The following CEP112 variants were observed in gnomAD, a reference collection of about 807,000 sequenced individuals.
The protein encoded by CEP112 is centrosomal protein of 112 kDa.
A neutral mutation model predicts 153.0 loss-of-function variants in CEP112; 127 were observed. The ratio of observed to expected loss-of-function variants is 0.83; its 90% CI spans 0.72 to 0.96. CEP112 has a LOEUF of 0.96. CEP112 is among the 40% of genes least tolerant of loss of function. CEP112 has a pLI of 0.00. For missense variants in CEP112, 1,089 were observed against 1,101.2 expected (o/e 0.99, Z 0.16); for synonymous variants, 358 against 374.4 (o/e 0.96, Z 0.51).
In CEP112 at chr17:66,124,617, A is replaced by G. The variant is rs373429049; in HGVS notation, c.642+5129T>C. 5.3e-5 allele frequency among the ~76,000 whole-genome samples: 8 copies of G among 152,236 alleles called. No homozygotes were observed. In the South Asian group the frequency reaches 8.3e-4, roughly 16 times the overall value. ...CTTCCATTCTCCCACTTCTCTGGCCAAAAAGATGGGCTGCTCTGTAAGTTT... is the reference window on the plus strand; with the variant it reads ...CTTCCATTCTCCCACTTCTCTGGCCGAAAAGATGGGCTGCTCTGTAAGTTT... On this transcript the variant is annotated intron_variant, in intron 6 of 26. Coordinates refer to ENST00000535342, the MANE Select transcript of CEP112 (RefSeq NM_001199165.4).
At chr17:65,970,304 G>T (rs2062637287) in intron 17 of CEP112, among the ~76,000 whole-genome samples, 1 of 115,094 alleles carries the variant, frequency 8.7e-6, no homozygotes. Flanking sequence ...TACTGCATGT[G>T]TATCTCATAT....
In CEP112 at chr17:65,640,137, C is replaced by CATATATATAT. The variant is rs762352624; in HGVS notation, c.2799+817_2799+826dup. Reference sequence around the variant, plus strand: ...ACAGGCGTGAGCCACTGCACCCGACCATATATATATATATATATTTTTTTT... The same window carrying CATATATATAT: ...ACAGGCGTGAGCCACTGCACCCGACCATATATATATATATATATATATATATATTTTTTTT... On this transcript the variant is annotated intron_variant, in intron 25 of 26. Coordinates refer to ENST00000535342, the MANE Select transcript of CEP112 (RefSeq NM_001199165.4). 8.6e-4 allele frequency among the ~76,000 whole-genome samples: 96 copies of CATATATATAT among 112,118 alleles called. 2 individuals carry two copies. Among genetic ancestry groups the CATATATATAT allele is most frequent in the Middle Eastern group, 4.6e-3 (1 of 218 alleles). 73.6% of individuals were successfully genotyped at this position (112,118 alleles called of 152,430 possible).
chr17:65,831,240 T>C (rs1284871774), intron 21 of CEP112, among the ~76,000 whole-genome samples: 1 of 152,132 alleles, frequency 6.6e-6, no homozygotes, highest in Non-Finnish European at 1.5e-5. Context: ...TATCAGAGAA[T>C]TCAGAATAAT....
intron 4 of CEP112, among the ~76,000 whole-genome samples, chr17:66,158,814 A>T (rs2071564793): frequency 6.6e-6 from 1 of 152,294 alleles, no homozygotes; most frequent in East Asian, 1.9e-4. Context: ...GAGCAAACAA[A>T]ATCAAAAGCT....
At chr17:65,749,236 G>GATTACC (rs1388128931) in intron 22 of CEP112, among the ~76,000 whole-genome samples, 1 of 152,170 alleles carries the variant, frequency 6.6e-6, no homozygotes, top group African/African-American at 2.4e-5. Context: ...GCCAGGTGCG[G>GATTACC]TGGCTCATGC....
In CEP112 at chr17:66,166,516, A is replaced by C. The variant is rs563232494; in HGVS notation, c.470+8528T>G. 2.1e-4 allele frequency among the ~76,000 whole-genome samples: 32 copies of C among 152,310 alleles called. No individual in the cohort carries two copies. The South Asian group carries it at 6.6e-3, about 32-fold the overall frequency. Reference sequence around the variant, plus strand: ...AGAAGCTTCAAAACATTTTTCACAGAATTGTAAAGCAAGAATACAACCTAT... The same window carrying C: ...AGAAGCTTCAAAACATTTTTCACAGCATTGTAAAGCAAGAATACAACCTAT... On this transcript the variant is annotated intron_variant, in intron 4 of 26. Transcript: ENST00000535342.
At chr17:65,866,795 C>T (rs1370729650) in intron 20 of CEP112, among the ~76,000 whole-genome samples, 1 of 152,146 alleles carries the variant, frequency 6.6e-6, no homozygotes, top group Non-Finnish European at 1.5e-5. Flanking sequence ...CCTGTCTAGA[C>T]ACCCTGGCTA....
At chr17:65,981,107 C>T (rs951560955) in intron 17 of CEP112, among the ~76,000 whole-genome samples, 10 of 152,100 alleles carry the variant, frequency 6.6e-5, no homozygotes, top group South Asian at 2.1e-4. Flanking sequence ...TGAGCCACCA[C>T]GCCCGGCCAT....
chr17:65,691,519 A>G lies in CEP112; in HGVS notation c.2608-2301T>C, dbSNP rs149732159. Among the ~76,000 whole-genome samples the G allele has an allele frequency of 4.2e-3, 641 of 152,318 alleles. 7 individuals are homozygous for G. Among genetic ancestry groups the G allele is most frequent in the Non-Finnish European group, 4.1e-3 (282 of 68,030 alleles). On this transcript the variant is annotated intron_variant, in intron 23 of 26. Transcript: ENST00000535342. ...ATTTAAAAAGTGAAATGGTCTGTGA[A>G]TGAGCTTGCATGCTTTAGGGTGTCT...
rs552346365 is a variant in CEP112, at chr17:66,003,589, G to A, written c.1736+2101C>T. On this transcript the variant is annotated intron_variant, in intron 17 of 26. Coordinates refer to ENST00000535342, the MANE Select transcript of CEP112 (RefSeq NM_001199165.4). ...TTCCTTTAGTATGATATTACAATGT[G>A]TAAACATTGTAGGTACTAAACAAAT... 3.9e-5 allele frequency among the ~76,000 whole-genome samples: 6 copies of A among 152,280 alleles called. No individual in the cohort carries two copies. In the South Asian group the frequency reaches 1.2e-3, roughly 32 times the overall value.
intron 18 of CEP112, among the ~76,000 whole-genome samples, chr17:65,937,549 C>A (rs1300807126): frequency 8.7e-6 from 1 of 115,196 alleles, no homozygotes; most frequent in African/African-American, 3.2e-5. Context: ...GGCCAGCCGC[C>A]CCGTCCGGGA....
chr17:65,867,935 A>AC (rs1262609304), intron 20 of CEP112, among the ~76,000 whole-genome samples: 432 of 37,382 alleles, frequency 0.012, 1 homozygote, highest in African/African-American at 0.027. Context: ...AATAATGTTG[A>AC]AGGGGAAAAA....
intron 21 of CEP112, among the ~76,000 whole-genome samples, chr17:65,822,125 A>G (rs2064508567): frequency 1.3e-5 from 2 of 151,942 alleles, no homozygotes; most frequent in South Asian, 4.1e-4. Context: ...AAGAATGATT[A>G]CTACAGGGAG....
At chr17:65,934,980 C>G (rs116142192) in intron 18 of CEP112, among the ~76,000 whole-genome samples, 1,760 of 152,248 alleles carry the variant, frequency 0.012, 37 homozygotes, top group African/African-American at 0.04. Flanking sequence ...ATAAAACCAT[C>G]AGCTCTCATG....
chr17:65,924,220 C>A (rs1379252557), intron 19 of CEP112, among the ~76,000 whole-genome samples: 1 of 152,184 alleles, frequency 6.6e-6, no homozygotes, highest in Non-Finnish European at 1.5e-5. Context: ...TCGTGATCCG[C>A]CTGCCTCGGC....
intron 21 of CEP112, among the ~76,000 whole-genome samples, chr17:65,823,105 C>G (rs1013794457): frequency 2.0e-5 from 3 of 151,846 alleles, no homozygotes; most frequent in Non-Finnish European, 4.4e-5. Flanking sequence ...TCAGAAAACT[C>G]AATTTCATTA....
intron 23 of CEP112, among the ~76,000 whole-genome samples, chr17:65,742,452 A>C (rs1383209222): frequency 1.3e-5 from 2 of 152,224 alleles, no homozygotes; most frequent in Non-Finnish European, 2.9e-5. Flanking sequence ...ATTCACTGCT[A>C]TGAAGCCAAG....
intron 19 of CEP112, chr17:65,913,629 T>C: frequency 1.0e-6 from 1 of 985,394 alleles, no homozygotes; most frequent in Non-Finnish European, 1.2e-6. Context: ...TTCTCCTTAT[T>C]TAAAAGTTTA....
chr17:65,793,808 G>T (rs1168384161), intron 21 of CEP112, among the ~76,000 whole-genome samples: 4 of 152,140 alleles, frequency 2.6e-5, no homozygotes, highest in African/African-American at 9.7e-5. Context: ...TCCTGGAAAA[G>T]TTCTTCTGGA....
Sources: allele counts gnomAD v4.1 joint callset (sites outside exome capture counted in the v4.1 genomes callset), GRCh38; gene constraint gnomAD v4.1.1; transcripts MANE v1.5; gene names NCBI Gene and HGNC (gene_info 2026-07-23, HGNC 2026-07-21).